POC1B: variants seen among roughly 807,000 people sequenced by gnomAD.
POC1B encodes the protein POC1 centriolar protein homolog B.
In POC1B, 44 loss-of-function variants were observed where a neutral mutation model predicts 60.6. The observed-to-expected ratio is 0.73, with a 90% CI of 0.57 to 0.93. The LOEUF (loss-of-function observed/expected upper bound fraction) is 0.93, where lower values mean the gene tolerates loss of function less well. POC1B is among the 40% of genes least tolerant of loss of function. POC1B has a pLI of 0.00. For synonymous variants in POC1B, 180 were observed against 198.9 expected, an observed-to-expected ratio of 0.90 and a Z score of 0.80; for missense variants, 555 against 572.3, an observed-to-expected ratio of 0.97 and a Z score of 0.31.
chr12:89,512,025 G>C (rs1303464114), intron 2 of POC1B, among the ~76,000 whole-genome samples: 1 of 152,212 alleles, frequency 6.6e-6, no homozygotes, highest in African/African-American at 2.4e-5. Context: ...CTGCCTTCCA[G>C]CGTGGGTGAC....
intron 2 of POC1B, among the ~76,000 whole-genome samples, chr12:89,512,450 T>C (rs1378831672): frequency 6.6e-6 from 1 of 151,902 alleles, no homozygotes; most frequent in Non-Finnish European, 1.5e-5. Context: ...ATGGGCCTAG[T>C]ATTTTTCAAT....
intron 4 of POC1B, among the ~76,000 whole-genome samples, chr12:89,480,477 G>A (rs962675250): frequency 6.6e-6 from 1 of 151,344 alleles, no homozygotes. Flanking sequence ...CTGGAGTACG[G>A]TGGCATGATC....
chr12:89,520,364 GT>G (rs1870746634), intron 2 of POC1B: 4 of 151,682 alleles, frequency 2.6e-5, no homozygotes, highest in South Asian at 2.1e-4. Context: ...CATATAACAG[GT>G]GGCTAACAAG....
chr12:89,468,408 C>A (rs916578229), intron 7 of POC1B, among the ~76,000 whole-genome samples: 2 of 152,100 alleles, frequency 1.3e-5, no homozygotes, highest in African/African-American at 4.8e-5. Flanking sequence ...TATTTCTTAT[C>A]TCAAAAATAT....
At chr12:89,494,823 C>T (rs1869164516) in intron 3 of POC1B, among the ~76,000 whole-genome samples, 1 of 152,146 alleles carries the variant, frequency 6.6e-6, no homozygotes, top group Non-Finnish European at 1.5e-5. Context: ...GCACCAAGGC[C>T]CCAGGCATAC....
chr12:89,485,933 CT>C (rs1417248649), intron 4 of POC1B, among the ~76,000 whole-genome samples: 1 of 152,158 alleles, frequency 6.6e-6, no homozygotes, highest in African/African-American at 2.4e-5. Flanking sequence ...CTTGAACACT[CT>C]CCTGACACCG....
chr12:89,460,066 A>G, intron 9 of POC1B: 1 of 372,930 alleles, frequency 2.7e-6, no homozygotes. Flanking sequence ...AAAAGGAAAT[A>G]AAAGGTATTA....
At chr12:89,431,149 T>C (rs1881013222) in intron 10 of POC1B, among the ~76,000 whole-genome samples, 1 of 152,112 alleles carries the variant, frequency 6.6e-6, no homozygotes. Flanking sequence ...AATCAGTGAC[T>C]TGAACTTTAG....
chr12:89,503,562 C>T lies in POC1B; in HGVS notation c.101-6220G>A, dbSNP rs112390217. 6.8e-3 allele frequency among the ~76,000 whole-genome samples: 1,030 copies of T among 152,254 alleles called. 12 individuals are homozygous for T. Among genetic ancestry groups the T allele is most frequent in the African/African-American group, 0.024 (993 of 41,562 alleles). On this transcript the variant is annotated intron_variant, in intron 2 of 11. Coordinates refer to ENST00000313546, the MANE Select transcript of POC1B (RefSeq NM_172240.3). ...CCCGTCTGGGAAGTGAGGAGCGTCTCTGCCCGGCCACCATCCCGTCTAGGA... is the reference window on the plus strand; with the variant it reads ...CCCGTCTGGGAAGTGAGGAGCGTCTTTGCCCGGCCACCATCCCGTCTAGGA...
chr12:89,459,380 T>C (rs1882384302), intron 10 of POC1B, among the ~76,000 whole-genome samples: 1 of 143,744 alleles, frequency 7.0e-6, no homozygotes, highest in Non-Finnish European at 1.5e-5. Context: ...CTGCACGTTG[T>C]GCACATGTAC....
chr12:89,508,361 G>T (rs1870004560), intron 2 of POC1B, among the ~76,000 whole-genome samples: 1 of 152,064 alleles, frequency 6.6e-6, no homozygotes, highest in Non-Finnish European at 1.5e-5. Flanking sequence ...GTTGCTCTTT[G>T]TCTTTATTGA....
chr12:89,426,371 C>G (rs1263968712), intron 10 of POC1B: 2 of 152,040 alleles, frequency 1.3e-5, no homozygotes, highest in East Asian at 3.8e-4. Context: ...GAATTGTATA[C>G]TTAAGAATGG....
chr12:89,476,406 A>G (rs1451780835), intron 4 of POC1B, among the ~76,000 whole-genome samples: 1 of 152,186 alleles, frequency 6.6e-6, no homozygotes, highest in Non-Finnish European at 1.5e-5. Context: ...AACCATGAAA[A>G]GTCTTAAAGT....
At chr12:89,474,652 A>G (rs1210790297) in intron 4 of POC1B, among the ~76,000 whole-genome samples, 3 of 152,172 alleles carry the variant, frequency 2.0e-5, no homozygotes, top group African/African-American at 7.2e-5. Flanking sequence ...CAGTGGGGAG[A>G]GGGGTCTGGA....
intron 2 of POC1B, chr12:89,523,437 A>G: frequency 6.2e-7 from 1 of 1,614,056 alleles, no homozygotes; most frequent in Non-Finnish European, 8.5e-7. Flanking sequence ...AATTGGGGCG[A>G]GCATATGGTG....
At chr12:89,522,744 C>A in intron 2 of POC1B, 1 of 1,504,780 alleles carries the variant, frequency 6.6e-7, no homozygotes, top group African/African-American at 1.4e-5. Flanking sequence ...ACAATCTTCA[C>A]TGAGGCTCTT....
intron 10 of POC1B, among the ~76,000 whole-genome samples, chr12:89,438,764 A>G (rs1226872519): frequency 6.6e-6 from 1 of 152,174 alleles, no homozygotes; most frequent in Non-Finnish European, 1.5e-5. Context: ...AGTTGTATCT[A>G]TGGTTGCTGC....
rs1260232308 is a variant in POC1B, at chr12:89,419,938, A to C, written c.*1215T>G. ...ATACTTAGAAACCCATCTCATAGAT[A>C]CAATTGAAATTTCTTTGAGAAAAAT... On this transcript the variant is annotated 3_prime_UTR_variant, in exon 12 of 12. Coordinates refer to ENST00000313546, the MANE Select transcript of POC1B (RefSeq NM_172240.3). 6.6e-6 allele frequency: 1 copy of C among 152,240 alleles called. No individual in the cohort carries two copies. The highest frequency in any genetic ancestry group is 2.4e-5 in the African/African-American group (1 of 41,468). 9.4% of individuals were successfully genotyped at this position (152,240 alleles called of 1,614,324 possible). A position where few individuals can be genotyped will look rare whatever the true frequency, so the allele number is the denominator to read the frequency against.
chr12:89,421,519 C>T (rs1036765784), intron 11 of POC1B, among the ~76,000 whole-genome samples: 9 of 152,182 alleles, frequency 5.9e-5, no homozygotes, highest in African/African-American at 2.2e-4. Flanking sequence ...GAAGATCAGA[C>T]CTCTTATGCC....
Sources: allele counts gnomAD v4.1 joint callset (sites outside exome capture counted in the v4.1 genomes callset), GRCh38; gene constraint gnomAD v4.1.1; transcripts MANE v1.5; gene names NCBI Gene and HGNC (gene_info 2026-07-23, HGNC 2026-07-21).